Variants in PTPRM observed in about 807,000 individuals in gnomAD.
PTPRM encodes the protein protein tyrosine phosphatase receptor type M.
PTPRM carries 47 observed loss-of-function variants against 186.7 expected under a neutral mutation model. That is an observed-to-expected ratio of 0.25 (90% CI 0.20 to 0.32). The LOEUF (loss-of-function observed/expected upper bound fraction) is 0.32, where lower values mean the gene tolerates loss of function less well. Among genes scored for constraint, PTPRM ranks in the 10% least tolerant of loss-of-function variants. The probability of loss-of-function intolerance (pLI) is 1.00; values close to 1 mark genes in which losing one functional copy is unlikely to be tolerated. For synonymous variants in PTPRM, 668 were observed against 674.9 expected (o/e 0.99, Z 0.16); for missense variants, 1,494 against 1,865.0 (o/e 0.80, Z 3.66).
chr18:7,813,385 A>G (rs567533313), intron 2 of PTPRM, among the ~76,000 whole-genome samples: 1 of 152,330 alleles, frequency 6.6e-6, no homozygotes, highest in South Asian at 2.1e-4. Flanking sequence ...TTTCTCAAAG[A>G]CAGAGTGCAT....
chr18:8,387,063 T>C lies in PTPRM; in HGVS notation c.4045-9T>C, dbSNP rs2095779939. The C allele has an allele frequency of 6.3e-7, 1 of 1,593,436 alleles. No homozygotes were observed. The highest frequency in any genetic ancestry group is 1.3e-5 in the African/African-American group (1 of 74,574). On this transcript the variant is annotated splice_polypyrimidine_tract_variant and intron_variant, in intron 30 of 32. Coordinates refer to ENST00000580170, the MANE Select transcript of PTPRM (RefSeq NM_001105244.2). ...TTCCACTCCCCGATTGTTGCCTTGT[T>C]CTTCGTAGCCCCAAGATGGATATCG...
intron 1 of PTPRM, among the ~76,000 whole-genome samples, chr18:7,681,677 T>C (rs1380241934): frequency 6.6e-6 from 1 of 152,202 alleles, no homozygotes; most frequent in African/African-American, 2.4e-5. Flanking sequence ...TCTAGATAGA[T>C]AGCTATAGTC....
intron 14 of PTPRM, among the ~76,000 whole-genome samples, chr18:8,211,158 C>T (rs2093998331): frequency 1.3e-5 from 2 of 152,062 alleles, no homozygotes; most frequent in Admixed American, 6.5e-5. Flanking sequence ...CTATCGAAAG[C>T]ATCAGAGCAA....
intron 9 of PTPRM, among the ~76,000 whole-genome samples, chr18:8,080,618 C>G (rs941964771): frequency 4.8e-4 from 73 of 152,234 alleles, no homozygotes; most frequent in African/African-American, 1.6e-3. Context: ...TTGAAGACAC[C>G]TTAATATCCT....
At chr18:8,185,457 G>A (rs112694552) in intron 14 of PTPRM, among the ~76,000 whole-genome samples, 5 of 152,210 alleles carry the variant, frequency 3.3e-5, no homozygotes, top group African/African-American at 1.2e-4. Flanking sequence ...CTGGGGTCGC[G>A]AGCCAGGCAG....
At chr18:7,759,678 G>T (rs2041677575) in intron 1 of PTPRM, among the ~76,000 whole-genome samples, 1 of 152,132 alleles carries the variant, frequency 6.6e-6, no homozygotes, top group Admixed American at 6.5e-5. Context: ...GATTGTTTAT[G>T]TGGCCCTGTG....
chr18:8,130,099 A>T (rs1046602520), intron 13 of PTPRM, among the ~76,000 whole-genome samples: 1 of 152,192 alleles, frequency 6.6e-6, no homozygotes, highest in Non-Finnish European at 1.5e-5. Flanking sequence ...ACATGCACAT[A>T]CTACTTTTCT....
chr18:8,268,710 A>T (rs2094732669), intron 19 of PTPRM, among the ~76,000 whole-genome samples: 2 of 152,106 alleles, frequency 1.3e-5, no homozygotes, highest in African/African-American at 2.4e-5. Flanking sequence ...ACAGCACATT[A>T]AAAGGATCAT....
At chr18:7,946,865 T>A in intron 5 of PTPRM, 2 of 451,928 alleles carry the variant, frequency 4.4e-6, no homozygotes, top group African/African-American at 2.0e-5. Context: ...AGCACTCCTG[T>A]CTGCTTTCTC....
intron 1 of PTPRM, among the ~76,000 whole-genome samples, chr18:7,587,986 G>T (rs1345808669): frequency 1.3e-5 from 2 of 152,136 alleles, no homozygotes; most frequent in African/African-American, 4.8e-5. Flanking sequence ...ACTAAAAGCA[G>T]TTTAGTCAAT....
chr18:8,168,269 A>C (rs1156594378), intron 14 of PTPRM, among the ~76,000 whole-genome samples: 1 of 152,216 alleles, frequency 6.6e-6, no homozygotes, highest in Non-Finnish European at 1.5e-5. Context: ...AGCTAATCTT[A>C]GTTTTATACC....
At chr18:8,196,724 G>C (rs994458392) in intron 14 of PTPRM, among the ~76,000 whole-genome samples, 2 of 152,188 alleles carry the variant, frequency 1.3e-5, no homozygotes, top group African/African-American at 2.4e-5. Flanking sequence ...TTTCTAAATT[G>C]TGTGTGACGT....
At chr18:8,195,940 TGAAAA>T (rs1441436543) in intron 14 of PTPRM, among the ~76,000 whole-genome samples, 1 of 151,966 alleles carries the variant, frequency 6.6e-6, no homozygotes, top group Non-Finnish European at 1.5e-5. Context: ...TGAGAAAAAA[TGAAAA>T]GAACACAGCT....
chr18:7,571,143 T>C (rs2036557298), intron 1 of PTPRM, among the ~76,000 whole-genome samples: 1 of 152,146 alleles, frequency 6.6e-6, no homozygotes, highest in Non-Finnish European at 1.5e-5. Flanking sequence ...GTTTTCACCA[T>C]GTTGGCCAGG....
At chr18:8,235,370 G>T (rs754375544) in intron 14 of PTPRM, among the ~76,000 whole-genome samples, 2 of 150,872 alleles carry the variant, frequency 1.3e-5, no homozygotes, top group Admixed American at 1.3e-4. Context: ...AGAGTTGTTC[G>T]TAATATTCTT....
intron 1 of PTPRM, among the ~76,000 whole-genome samples, chr18:7,589,202 T>G (rs2037059828): frequency 6.6e-6 from 1 of 152,174 alleles, no homozygotes; most frequent in Non-Finnish European, 1.5e-5. Context: ...CAAGAAGCCC[T>G]CCAGCGAATG....
At chr18:8,329,072 T>C (rs2095396137) in intron 22 of PTPRM, among the ~76,000 whole-genome samples, 1 of 152,332 alleles carries the variant, frequency 6.6e-6, no homozygotes, top group East Asian at 1.9e-4. Flanking sequence ...TAATACAGAA[T>C]AATTTGAAAA....
intron 1 of PTPRM, among the ~76,000 whole-genome samples, chr18:7,689,241 A>G (rs1022840639): frequency 6.6e-6 from 1 of 152,230 alleles, no homozygotes; most frequent in Non-Finnish European, 1.5e-5. Context: ...ACTTTGTGTC[A>G]ATGCAGAGAA....
chr18:8,160,851 C>T (rs957068132), intron 14 of PTPRM, among the ~76,000 whole-genome samples: 5 of 152,116 alleles, frequency 3.3e-5, no homozygotes, highest in Non-Finnish European at 5.9e-5. Context: ...TTCATTGTTC[C>T]CATTGCCAGA....
Sources: gnomAD v4.1 joint callset for allele counts (sites outside exome capture counted in the v4.1 genomes callset) on GRCh38, gnomAD v4.1.1 for gene constraint, MANE v1.5 for transcripts, NCBI Gene and HGNC (gene_info 2026-07-23, HGNC 2026-07-21) for gene names.